The following SNED1 variants were observed in gnomAD, a reference collection of about 807,000 sequenced individuals.
The protein encoded by SNED1 is sushi, nidogen and EGF like domains 1.
A neutral mutation model predicts 166.7 loss-of-function variants in SNED1; 81 were observed. That is an observed-to-expected ratio of 0.49 (90% CI 0.41 to 0.58). The LOEUF (loss-of-function observed/expected upper bound fraction) is 0.58. SNED1 is among the 20% of genes least tolerant of loss of function. The pLI is 0.00. For missense variants in SNED1, 1,604 were observed against 2,000.2 expected (o/e 0.80, Z 3.78); for synonymous variants, 762 against 822.0 (o/e 0.93, Z 1.25).
chr2:241,022,372 G>T (rs1474532184), intron 1 of SNED1, among the ~76,000 whole-genome samples: 1 of 152,146 alleles, frequency 6.6e-6, no homozygotes, highest in Non-Finnish European at 1.5e-5. Context: ...CTTACATTAG[G>T]TCTTTGATCC....
At chr2:241,089,634 C>A (rs1468105462) in intron 31 of SNED1, among the ~76,000 whole-genome samples, 2 of 152,238 alleles carry the variant, frequency 1.3e-5, no homozygotes, top group East Asian at 3.8e-4. Context: ...GAGGGAATCA[C>A]TTCCCGCTCC....
intron 1 of SNED1, among the ~76,000 whole-genome samples, chr2:241,000,636 C>T (rs990287683): frequency 6.6e-6 from 1 of 152,226 alleles, no homozygotes; most frequent in African/African-American, 2.4e-5. Flanking sequence ...ACCCACTTAA[C>T]AGCCTCACCA....
intron 20 of SNED1, 90 bp downstream of exon 20, chr2:241,065,047 G>A: frequency 9.7e-7 from 1 of 1,032,984 alleles, no homozygotes; most frequent in East Asian, 2.6e-5. Context: ...AGAGCGTCTG[G>A]CCGCTGCTTG....
intron 1 of SNED1, among the ~76,000 whole-genome samples, chr2:241,005,580 G>T (rs2060200198): frequency 1.3e-5 from 2 of 151,938 alleles, no homozygotes; most frequent in Admixed American, 6.6e-5. Flanking sequence ...AGACCTGCTG[G>T]CATAAATTAT....
chr2:241,025,172 G>A (rs1289834807), intron 1 of SNED1, among the ~76,000 whole-genome samples: 1 of 152,190 alleles, frequency 6.6e-6, no homozygotes, highest in African/African-American at 2.4e-5. Context: ...GGCGGCATTT[G>A]ATTCTAATAG....
chr2:241,067,507 G>A (rs1025400632), intron 21 of SNED1, among the ~76,000 whole-genome samples: 1 of 152,206 alleles, frequency 6.6e-6, no homozygotes, highest in Non-Finnish European at 1.5e-5. Context: ...TAAGACCCCT[G>A]CCTCTGGTAA....
chr2:241,079,640 A>C (rs2063233512), intron 27 of SNED1, among the ~76,000 whole-genome samples: 1 of 152,198 alleles, frequency 6.6e-6, no homozygotes, highest in Non-Finnish European at 1.5e-5. Flanking sequence ...GAACCAAAAA[A>C]AAGGTTTTAA....
intron 1 of SNED1, among the ~76,000 whole-genome samples, chr2:241,009,214 G>A (rs1367878011): frequency 6.6e-6 from 1 of 152,168 alleles, no homozygotes; most frequent in East Asian, 1.9e-4. Flanking sequence ...GGGTGACTGT[G>A]AGGAGGCCCC....
In SNED1 at chr2:241,018,077, G is replaced by A. The variant is rs955554221; in HGVS notation, c.214-12207G>A. Among the ~76,000 whole-genome samples, 2 of 152,194 alleles carry A rather than the reference G, an allele frequency of 1.3e-5. No homozygotes were observed. Among genetic ancestry groups the A allele is most frequent in the Non-Finnish European group, 2.9e-5 (2 of 68,024 alleles). Reference sequence around the variant, plus strand: ...TTTCCCGACTGGAGAGGCATTCCAAGGCTCACTCCCTCCCAGGTAACACGC... The same window carrying A: ...TTTCCCGACTGGAGAGGCATTCCAAAGCTCACTCCCTCCCAGGTAACACGC... On this transcript the variant is annotated intron_variant, in intron 1 of 31. Transcript: ENST00000310397. This position sits in a 1 kb window ranked among gnomAD's most constrained non-coding sequence, Gnocchi z 5.4.
intron 29 of SNED1, among the ~76,000 whole-genome samples, chr2:241,086,464 GCCAT>G (rs758185037): frequency 1.6e-4 from 24 of 152,110 alleles, no homozygotes; most frequent in Non-Finnish European, 3.5e-4. Flanking sequence ...TCTCTGTGAT[GCCAT>G]CCAAAAACTT....
chr2:241,072,067 C>CA, intron 26 of SNED1, 189 bp downstream of exon 26: 1 of 704,860 alleles, frequency 1.4e-6, no homozygotes. Context: ...ACCTCCATGG[C>CA]AGGAGGGGCA....
intron 27 of SNED1, among the ~76,000 whole-genome samples, chr2:241,076,527 T>C (rs556939221): frequency 6.6e-6 from 1 of 152,208 alleles, no homozygotes; most frequent in East Asian, 1.9e-4. Flanking sequence ...TTCTTTGGGG[T>C]TTTCTATATA....
chr2:241,048,755 T>G lies in SNED1; in HGVS notation c.1493T>G (p.Leu498Arg). 1 of 1,610,626 alleles carries G rather than the reference T, an allele frequency of 6.2e-7. No individual in the cohort carries two copies. The highest frequency in any genetic ancestry group is 2.2e-5 in the East Asian group (1 of 44,786). The change falls in exon 10 of 32, where the codon CTC becomes CGC. Residue 498 changes from leucine (L) to arginine (R), a missense_variant. Physicochemically the swap from Leu to Arg is moderately radical, Grantham distance 102. Around this residue, in one of 2 missense-constraint regions of SNED1, gnomAD observed 1,237 missense variants for 1,620.8 expected, o/e 0.76. Coordinates refer to ENST00000310397, the MANE Select transcript of SNED1 (RefSeq NM_001080437.3). ...CQCPLGFFGLLCEFEITAMPC... is the reference protein window; with the variant it reads ...CQCPLGFFGLRCEFEITAMPC... ...TGCCCCCTGGGATTCTTTGGGCTTC[T>G]CTGTGAATTTGGTAGGTGCCCAGGT...
chr2:241,040,543 T>C, intron 8 of SNED1, 130 bp downstream of exon 8: 1 of 643,620 alleles, frequency 1.6e-6, no homozygotes, highest in Non-Finnish European at 2.7e-6. Flanking sequence ...GGTGGGAGGA[T>C]GCCTCTGCCC....
intron 29 of SNED1, 71 bp from the exon 30 acceptor site, chr2:241,087,321 T>A (rs1575140219): frequency 2.1e-6 from 3 of 1,437,320 alleles, no homozygotes; most frequent in Non-Finnish European, 2.8e-6. Flanking sequence ...TGGGTTCACA[T>A]AGCCTAGGTT....
At chr2:241,044,885 G>A (rs941734542) in intron 8 of SNED1, among the ~76,000 whole-genome samples, 5 of 152,148 alleles carry the variant, frequency 3.3e-5, no homozygotes, top group African/African-American at 1.2e-4. Context: ...AAGCCGCAGC[G>A]TTTTTGCCAG....
Position 241,073,150 on chromosome 2 carries a change from T to TC in SNED1, c.3818-112dup. 1.4e-6 allele frequency: 1 copy of TC among 726,500 alleles called. No homozygotes were observed. The highest frequency in any genetic ancestry group is 2.7e-5 in the East Asian group (1 of 36,604). 45.0% of individuals were successfully genotyped at this position (726,500 alleles called of 1,614,324 possible). On this transcript the variant is annotated intron_variant, in intron 26 of 31. Coordinates refer to ENST00000310397, the MANE Select transcript of SNED1 (RefSeq NM_001080437.3). The surrounding 1 kb of genome is among the most constrained non-coding windows in gnomAD (Gnocchi z 6.6). ...TGCTGGGGCCACGCAGGGAGCCTGGTCCCCACCAGGGACATCCGTGCTCCC... is the reference window on the plus strand; with the variant it reads ...TGCTGGGGCCACGCAGGGAGCCTGGTCCCCCACCAGGGACATCCGTGCTCCC...
At chr2:241,088,957 G>A (rs2063733484) in intron 31 of SNED1, 1 of 230,368 alleles carries the variant, frequency 4.3e-6, no homozygotes, top group African/African-American at 2.3e-5. Flanking sequence ...AGTCGTCACT[G>A]ACACTGGGCT....
rs2064144853 is a variant in SNED1 at position 241,093,117 on chromosome 2, G to T, written c.*1481G>T. ...TGTCATTTTCAGAAAGAAGGAACAGGCAATTCGCGAAGTTTCACCTGTACT... is the reference window on the plus strand; with the variant it reads ...TGTCATTTTCAGAAAGAAGGAACAGTCAATTCGCGAAGTTTCACCTGTACT... On this transcript the variant is annotated 3_prime_UTR_variant, in exon 32 of 32. Coordinates refer to ENST00000310397, the MANE Select transcript of SNED1 (RefSeq NM_001080437.3). 6.6e-6 allele frequency: 1 copy of T among 152,582 alleles called. No homozygotes were observed. The highest frequency in any genetic ancestry group is 1.9e-4 in the East Asian group (1 of 5,192). 9.5% of individuals were successfully genotyped at this position (152,582 alleles called of 1,614,324 possible). A position where few individuals can be genotyped will look rare whatever the true frequency, so the allele number is the denominator to read the frequency against.
Sources: allele counts gnomAD v4.1 joint callset (sites outside exome capture counted in the v4.1 genomes callset), GRCh38; gene constraint gnomAD v4.1.1; regional missense constraint gnomAD v4.1.1; non-coding constraint Gnocchi (gnomAD v3.1); transcripts MANE v1.5; gene names NCBI Gene and HGNC (gene_info 2026-07-23, HGNC 2026-07-21).